ADGRL2: variants seen among roughly 807,000 people sequenced by gnomAD.
ADGRL2 encodes adhesion G protein-coupled receptor L2.
In ADGRL2, 44 loss-of-function variants were observed where a neutral mutation model predicts 157.4. That is an observed-to-expected ratio of 0.28 (90% CI 0.22 to 0.36). The LOEUF (loss-of-function observed/expected upper bound fraction) is 0.36, where lower values mean the gene tolerates loss of function less well. Among genes scored for constraint, ADGRL2 ranks in the 10% least tolerant of loss-of-function variants. The pLI is 1.00. For synonymous variants in ADGRL2, 585 were observed against 624.7 expected, an observed-to-expected ratio of 0.94 and a Z score of 0.95; for missense variants, 1,510 against 1,768.9, an observed-to-expected ratio of 0.85 and a Z score of 2.63.
chr1:81,643,908 C>A (rs1461392480), intron 3 of ADGRL2, among the ~76,000 whole-genome samples: 1 of 152,220 alleles, frequency 6.6e-6, no homozygotes, highest in East Asian at 1.9e-4. Flanking sequence ...CAAACTGATT[C>A]TAAAGTAACC....
rs779605536 is a variant in ADGRL2, at chr1:81,966,113, T to C, written c.2073T>C (p.Pro691=). The change falls in exon 12 of 24, where the codon CCT becomes CCC. Residue 691 remains proline, a synonymous_variant. Coordinates refer to ENST00000686636, the MANE Select transcript of ADGRL2 (RefSeq NM_001366006.2). ...TEGQIQDFKF[P]LGIKGAGSSI... is the part of the protein sequence containing the mutation. ...GACAGATCCAAGACTTTAAATTTCC[T>C]CTGGGCATCAAAGGAGCAGGCAGCT... is the stretch of plus-strand genomic sequence containing the variant. The C allele has an allele frequency of 8.1e-6, 13 of 1,613,910 alleles. No individual in the cohort carries two copies. The highest frequency in any genetic ancestry group is 1.1e-5 in the Non-Finnish European group (13 of 1,179,950).
intron 3 of ADGRL2, among the ~76,000 whole-genome samples, chr1:81,603,136 T>C (rs1381219799): frequency 1.3e-5 from 2 of 152,194 alleles, no homozygotes; most frequent in Non-Finnish European, 2.9e-5. Flanking sequence ...CTAGTCCTAA[T>C]TCTTTGAATT....
chr1:81,537,467 G>A (rs1173295552), intron 2 of ADGRL2, among the ~76,000 whole-genome samples: 1 of 151,540 alleles, frequency 6.6e-6, no homozygotes, highest in African/African-American at 2.4e-5. Context: ...ATTTTTTTTA[G>A]TAGAGGCGGG....
In ADGRL2 at chr1:81,960,160, T is replaced by C. The variant is rs151220196; in HGVS notation, c.2017+4100T>C. ...TACTAAAAAAAATATTTTTTAAACA[T>C]TTTTTGTTTTTCTTGAGGAAGTCAG... is the stretch of plus-strand genomic sequence containing the variant. On this transcript the variant is annotated intron_variant, in intron 11 of 23. Transcript: ENST00000686636. Among the ~76,000 whole-genome samples, 154 of 152,290 alleles carry C rather than the reference T, an allele frequency of 1.0e-3. 1 individual carries two copies. The highest frequency in any genetic ancestry group is 3.6e-3 in the African/African-American group (148 of 41,560).
intron 1 of ADGRL2, among the ~76,000 whole-genome samples, chr1:81,429,634 A>G (rs1258902298): frequency 6.6e-6 from 1 of 152,222 alleles, no homozygotes; most frequent in Non-Finnish European, 1.5e-5. Flanking sequence ...CAGCTCTTCA[A>G]TCTCTTTCTT....
intron 1 of ADGRL2, among the ~76,000 whole-genome samples, chr1:81,410,070 A>G (rs1004698862): frequency 6.6e-6 from 1 of 152,246 alleles, no homozygotes; most frequent in African/African-American, 2.4e-5. Flanking sequence ...AACAAAGCTT[A>G]GACTGTCACG....
chr1:81,833,769 A>G (rs1012295869), intron 1 of ADGRL2, among the ~76,000 whole-genome samples: 8 of 152,208 alleles, frequency 5.3e-5, no homozygotes, highest in Non-Finnish European at 1.0e-4. Context: ...TGTACATTGC[A>G]CGTAGTGTAT....
rs367844615 is a variant in ADGRL2, at chr1:81,891,799, C to A, written c.74-15218C>A. Among the ~76,000 whole-genome samples, 5 of 152,066 alleles carry A rather than the reference C, an allele frequency of 3.3e-5. No homozygotes were observed. In the South Asian group the frequency reaches 1.0e-3, roughly 32 times the overall value. On this transcript the variant is annotated intron_variant, in intron 2 of 23. Transcript: ENST00000686636. ...ATCTGTCTTTTGGTGGTTTTTATTT[C>A]ATGAATCCGAATTTATTGCTATTTT...
At chr1:81,895,673 G>A (rs2094371068) in intron 2 of ADGRL2, among the ~76,000 whole-genome samples, 1 of 152,088 alleles carries the variant, frequency 6.6e-6, no homozygotes. Context: ...GGGATTACAG[G>A]CGTGAGCCAC....
chr1:81,835,831 C>T (rs1180533550), intron 1 of ADGRL2, among the ~76,000 whole-genome samples: 1 of 151,990 alleles, frequency 6.6e-6, no homozygotes, highest in Non-Finnish European at 1.5e-5. Flanking sequence ...AGATTAATTT[C>T]TTACATTATT....
chr1:81,907,457 T>TATC (rs2094607043), intron 3 of ADGRL2, among the ~76,000 whole-genome samples: 1 of 152,220 alleles, frequency 6.6e-6, no homozygotes, highest in Non-Finnish European at 1.5e-5. Context: ...ATGTAATACG[T>TATC]ATCTTTTTGT....
At chr1:81,948,241 T>G (rs1650563483) in intron 6 of ADGRL2, among the ~76,000 whole-genome samples, 2 of 134,682 alleles carry the variant, frequency 1.5e-5, no homozygotes, top group African/African-American at 2.8e-5. Flanking sequence ...AACAAAAAGG[T>G]GAAAAGGTAT....
At chr1:81,538,247 G>T (rs936019991) in intron 2 of ADGRL2, among the ~76,000 whole-genome samples, 1 of 152,002 alleles carries the variant, frequency 6.6e-6, no homozygotes, top group African/African-American at 2.4e-5. Context: ...CAAACAAGGT[G>T]CAGGTTAGTT....
At chr1:81,788,616 G>A (rs1026666922) in intron 2 of ADGRL2, among the ~76,000 whole-genome samples, 2 of 152,156 alleles carry the variant, frequency 1.3e-5, no homozygotes, top group East Asian at 3.8e-4. Context: ...CAGAAGGCAC[G>A]TTTAGTTTAG....
intron 3 of ADGRL2, among the ~76,000 whole-genome samples, chr1:81,641,722 G>A (rs1316935747): frequency 1.3e-5 from 2 of 152,042 alleles, no homozygotes; most frequent in Non-Finnish European, 2.9e-5. Context: ...CATATATTAG[G>A]AAAAAGGAAA....
chr1:81,770,862 A>G (rs1212256784), intron 2 of ADGRL2, among the ~76,000 whole-genome samples: 1 of 152,142 alleles, frequency 6.6e-6, no homozygotes, highest in Non-Finnish European at 1.5e-5. Flanking sequence ...TTTAAATTAT[A>G]TATGTGTAGT....
intron 2 of ADGRL2, among the ~76,000 whole-genome samples, chr1:81,878,853 A>G (rs1249913153): frequency 6.6e-6 from 1 of 152,226 alleles, no homozygotes; most frequent in Non-Finnish European, 1.5e-5. Context: ...CTAAAAAGAC[A>G]CAAATTATAT....
At chr1:81,730,253 A>G (rs991036404) in intron 1 of ADGRL2, among the ~76,000 whole-genome samples, 1 of 152,230 alleles carries the variant, frequency 6.6e-6, no homozygotes, top group African/African-American at 2.4e-5. Flanking sequence ...TGTTTTACAT[A>G]TTGCCTTAAC....
intron 1 of ADGRL2, among the ~76,000 whole-genome samples, chr1:81,313,822 C>T (rs1659921650): frequency 6.6e-6 from 1 of 152,066 alleles, no homozygotes; most frequent in South Asian, 2.1e-4. Flanking sequence ...ATTCCTTAAA[C>T]ACAGACTGCC....
Sources: gnomAD v4.1 joint callset for allele counts (sites outside exome capture counted in the v4.1 genomes callset) on GRCh38, gnomAD v4.1.1 for gene constraint, MANE v1.5 for transcripts, NCBI Gene and HGNC (gene_info 2026-07-23, HGNC 2026-07-21) for gene names.